The following SLC24A2 variants were observed in gnomAD, a reference collection of about 807,000 sequenced individuals.
SLC24A2 encodes sodium/potassium/calcium exchanger 2.
A neutral mutation model predicts 62.0 loss-of-function variants in SLC24A2; 36 were observed. The ratio of observed to expected loss-of-function variants is 0.58; its 90% CI spans 0.44 to 0.77. The LOEUF (loss-of-function observed/expected upper bound fraction) is 0.77, where lower values mean the gene tolerates loss of function less well. Among genes scored for constraint, SLC24A2 ranks in the 30% least tolerant of loss-of-function variants. The pLI is 0.00. For synonymous variants in SLC24A2, 358 were observed against 294.0 expected (o/e 1.22, Z -2.23); for missense variants, 846 against 817.9 (o/e 1.03, Z -0.42).
chr9:19,731,517 G>A (rs142654676), intron 2 of SLC24A2, among the ~76,000 whole-genome samples: 33 of 42,704 alleles, frequency 7.7e-4, no homozygotes, highest in African/African-American at 2.9e-3. Context: ...CTCTCTCTCC[G>A]TGTGTGTGTG....
chr9:20,071,875 C>T, the SLC24A2 span, among the ~76,000 whole-genome samples: 1 of 151,962 alleles, frequency 6.6e-6, no homozygotes, highest in South Asian at 2.1e-4. Flanking sequence ...TTTGCTGGAG[C>T]GGCTCACAGA....
the SLC24A2 span, among the ~76,000 whole-genome samples, chr9:20,013,759 T>C: frequency 6.6e-6 from 1 of 151,856 alleles, no homozygotes; most frequent in South Asian, 2.1e-4. Context: ...GATTGAAAAA[T>C]GGGCAAAGGA....
chr9:20,060,519 C>A, the SLC24A2 span, among the ~76,000 whole-genome samples: 1 of 151,968 alleles, frequency 6.6e-6, no homozygotes, highest in East Asian at 1.9e-4. Context: ...CTTTTATACA[C>A]CGTTGTAAAG....
the SLC24A2 span, among the ~76,000 whole-genome samples, chr9:20,000,796 TG>T: frequency 1.3e-5 from 2 of 152,140 alleles, no homozygotes; most frequent in Admixed American, 6.6e-5. Context: ...AACAGTAAAA[TG>T]TGAGACTGTT....
At chr9:19,670,361 A>G (rs1819379862) in intron 2 of SLC24A2, among the ~76,000 whole-genome samples, 1 of 152,200 alleles carries the variant, frequency 6.6e-6, no homozygotes, top group African/African-American at 2.4e-5. Flanking sequence ...ATTTAAAGCT[A>G]TTTATTATTA....
chr9:19,874,653 G>A, the SLC24A2 span, among the ~76,000 whole-genome samples: 1 of 152,250 alleles, frequency 6.6e-6, no homozygotes, highest in East Asian at 1.9e-4. Flanking sequence ...TGCCAGACAA[G>A]GACAGGCTTA....
At chr9:20,096,112 C>T in the SLC24A2 span, among the ~76,000 whole-genome samples, 2 of 151,920 alleles carry the variant, frequency 1.3e-5, no homozygotes, top group African/African-American at 4.8e-5. Context: ...TCCGTCCGTC[C>T]GTCCGTCCGT....
At chr9:19,564,472 T>A (rs958841546) in intron 7 of SLC24A2, among the ~76,000 whole-genome samples, 18 of 152,194 alleles carry the variant, frequency 1.2e-4, no homozygotes, top group African/African-American at 4.3e-4. Flanking sequence ...AAAGTAAGAA[T>A]AAAATCACTT....
At chr9:19,612,067 A>T (rs1410837190) in intron 4 of SLC24A2, among the ~76,000 whole-genome samples, 1 of 152,200 alleles carries the variant, frequency 6.6e-6, no homozygotes, top group African/African-American at 2.4e-5. Context: ...CATCTATAAA[A>T]TGAGGATAAC....
the SLC24A2 span, among the ~76,000 whole-genome samples, chr9:19,918,360 C>T: frequency 5.0e-3 from 714 of 142,730 alleles, 10 homozygotes; most frequent in African/African-American, 0.018. Context: ...CTATTTGTGT[C>T]ATCTTTTAAT....
chr9:19,570,140 A>C (rs140477699), intron 7 of SLC24A2, among the ~76,000 whole-genome samples: 1 of 152,202 alleles, frequency 6.6e-6, no homozygotes, highest in African/African-American at 2.4e-5. Context: ...AAACAATCAA[A>C]ATTTTCTGAT....
At chr9:19,820,451 T>TA in the SLC24A2 span, among the ~76,000 whole-genome samples, 96 of 150,154 alleles carry the variant, frequency 6.4e-4, no homozygotes, top group Admixed American at 2.1e-3. Flanking sequence ...ATAATAAATT[T>TA]AAAAAAAAAT....
At chr9:19,936,456 C>T in the SLC24A2 span, among the ~76,000 whole-genome samples, 1 of 151,964 alleles carries the variant, frequency 6.6e-6, no homozygotes, top group African/African-American at 2.4e-5. Context: ...GTATTTTTTG[C>T]AGAAACGAGG....
chr9:20,197,520 C>T, the SLC24A2 span, among the ~76,000 whole-genome samples: 2 of 150,200 alleles, frequency 1.3e-5, no homozygotes, highest in Non-Finnish European at 2.9e-5. Flanking sequence ...CAGCCTTGAC[C>T]TCCCAGGCTA....
At chr9:20,020,690 T>C in the SLC24A2 span, among the ~76,000 whole-genome samples, 1 of 152,170 alleles carries the variant, frequency 6.6e-6, no homozygotes, top group Non-Finnish European at 1.5e-5. Context: ...CTGCGTGTTC[T>C]GCACACGTAT....
the SLC24A2 span, among the ~76,000 whole-genome samples, chr9:20,017,640 C>T: frequency 1.3e-5 from 2 of 152,288 alleles, no homozygotes; most frequent in African/African-American, 4.8e-5. Flanking sequence ...AGTAGGAAAA[C>T]CAACAATGCA....
the SLC24A2 span, among the ~76,000 whole-genome samples, chr9:19,810,598 G>A: frequency 6.6e-6 from 1 of 152,150 alleles, no homozygotes; most frequent in Non-Finnish European, 1.5e-5. Flanking sequence ...GTTCCAAGAT[G>A]CTAACTTACT....
chr9:19,519,059 A>C (rs959089798), intron 10 of SLC24A2, among the ~76,000 whole-genome samples: 9 of 152,198 alleles, frequency 5.9e-5, no homozygotes, highest in African/African-American at 2.2e-4. Context: ...TAATCCTATA[A>C]ATGATAATGA....
At position 19,657,526 on chromosome 9, in the gene SLC24A2, A is replaced by G. The variant is rs966884104; in HGVS notation, c.931-35227T>C. Reference sequence around the variant, plus strand: ...CCGCATGCATTAGGTATTTGTCCTAATGCGCTCCCTCCCCTCGTTCCCACC... The same window carrying G: ...CCGCATGCATTAGGTATTTGTCCTAGTGCGCTCCCTCCCCTCGTTCCCACC... On this transcript the variant is annotated intron_variant, in intron 2 of 10. Coordinates refer to ENST00000341998, the MANE Select transcript of SLC24A2 (RefSeq NM_020344.4). Among the ~76,000 whole-genome samples, 3 of 151,622 alleles carry G rather than the reference A, an allele frequency of 2.0e-5. No homozygotes were observed. In the East Asian group the frequency reaches 5.8e-4, roughly 29 times the overall value.
Sources: gnomAD v4.1 joint callset for allele counts (sites outside exome capture counted in the v4.1 genomes callset) on GRCh38, gnomAD v4.1.1 for gene constraint, MANE v1.5 for transcripts, NCBI Gene and HGNC (gene_info 2026-07-23, HGNC 2026-07-21) for gene names.